Variants in CSNK2A2IP observed in about 807,000 individuals in gnomAD.
The protein encoded by CSNK2A2IP is casein kinase 2 subunit alpha' interacting protein.
the CSNK2A2IP span, among the ~76,000 whole-genome samples, chr3:88,370,999 A>G: frequency 5.9e-5 from 9 of 151,802 alleles, no homozygotes; most frequent in African/African-American, 4.8e-5. Context: ...ATACTGAATC[A>G]GCCAGCACCT....
chr3:88,381,422 C>A, the CSNK2A2IP span, among the ~76,000 whole-genome samples: 7 of 152,070 alleles, frequency 4.6e-5, no homozygotes, highest in Non-Finnish European at 8.8e-5. Flanking sequence ...CCTGTAGGAA[C>A]GGAATAGTAT....
At chr3:88,362,131 TG>T in the CSNK2A2IP span, among the ~76,000 whole-genome samples, 1 of 152,228 alleles carries the variant, frequency 6.6e-6, no homozygotes, top group East Asian at 1.9e-4. Context: ...GGAGAGGTCA[TG>T]TTTTTTCTGG....
chr3:88,422,896 C>A, the CSNK2A2IP span, among the ~76,000 whole-genome samples: 1 of 152,164 alleles, frequency 6.6e-6, no homozygotes, highest in Non-Finnish European at 1.5e-5. Context: ...TTTCACATTA[C>A]TGTGTACAGT....
the CSNK2A2IP span, among the ~76,000 whole-genome samples, chr3:88,378,908 A>C: frequency 6.6e-6 from 1 of 152,020 alleles, no homozygotes; most frequent in African/African-American, 2.4e-5. Context: ...GTGGTTTCAA[A>C]AGCTGCTCCA....
chr3:88,438,775 A>G, the CSNK2A2IP span, among the ~76,000 whole-genome samples: 1 of 152,162 alleles, frequency 6.6e-6, no homozygotes, highest in Non-Finnish European at 1.5e-5. Context: ...ATCCTGTGTC[A>G]CGTAAGACTC....
chr3:88,460,947 C>T, the CSNK2A2IP span, among the ~76,000 whole-genome samples: 2 of 151,888 alleles, frequency 1.3e-5, no homozygotes, highest in African/African-American at 2.4e-5. Flanking sequence ...ATTAGCTGGG[C>T]GTGGTGGTGC....
chr3:88,463,735 T>C, the CSNK2A2IP span, among the ~76,000 whole-genome samples: 3 of 152,182 alleles, frequency 2.0e-5, no homozygotes, highest in African/African-American at 7.2e-5. Context: ...ATTGTGGAAG[T>C]TGGCGTGGTG....
At chr3:88,397,531 A>C in the CSNK2A2IP span, among the ~76,000 whole-genome samples, 1 of 152,180 alleles carries the variant, frequency 6.6e-6, no homozygotes, top group African/African-American at 2.4e-5. Flanking sequence ...AGATTTATTG[A>C]ACAAGCATCT....
the CSNK2A2IP span, among the ~76,000 whole-genome samples, chr3:88,359,198 G>T: frequency 6.6e-6 from 1 of 151,338 alleles, no homozygotes; most frequent in Non-Finnish European, 1.5e-5. Flanking sequence ...AGTCTCTATT[G>T]CTCCTTTTAA....
chr3:88,394,497 C>T, the CSNK2A2IP span, among the ~76,000 whole-genome samples: 5 of 152,234 alleles, frequency 3.3e-5, no homozygotes, highest in East Asian at 3.9e-4. Context: ...CTCAGCCTCC[C>T]GAGTAGCTGG....
At chr3:88,440,970 T>A in the CSNK2A2IP span, among the ~76,000 whole-genome samples, 1 of 152,212 alleles carries the variant, frequency 6.6e-6, no homozygotes, top group Non-Finnish European at 1.5e-5. Flanking sequence ...AATTGTTATT[T>A]GCAGGTGCAA....
chr3:88,353,760 G>T, the CSNK2A2IP span, among the ~76,000 whole-genome samples: 1 of 152,178 alleles, frequency 6.6e-6, no homozygotes, highest in Admixed American at 6.6e-5. Flanking sequence ...ACTAAGGAAA[G>T]AATTTTGAGG....
the CSNK2A2IP span, among the ~76,000 whole-genome samples, chr3:88,342,650 C>T: frequency 6.7e-6 from 1 of 149,296 alleles, no homozygotes; most frequent in South Asian, 2.1e-4. Context: ...AAAAAGAAAG[C>T]AAGGGATTTG....
the CSNK2A2IP span, among the ~76,000 whole-genome samples, chr3:88,363,862 A>G: frequency 6.6e-6 from 1 of 152,170 alleles, no homozygotes; most frequent in Non-Finnish European, 1.5e-5. Context: ...GGCTGGTAGG[A>G]AAAGGCATGC....
chr3:88,446,245 C>G, the CSNK2A2IP span, among the ~76,000 whole-genome samples: 387 of 151,938 alleles, frequency 2.5e-3, 3 homozygotes, highest in African/African-American at 8.7e-3. Flanking sequence ...CATGCCACTA[C>G]GCCCAGCTAA....
the CSNK2A2IP span, among the ~76,000 whole-genome samples, chr3:88,405,958 C>T: frequency 2.0e-5 from 3 of 151,434 alleles, no homozygotes; most frequent in Non-Finnish European, 4.4e-5. Context: ...TCCTCAGAAC[C>T]TAAGTTTTTT....
At chr3:88,359,754 A>T in the CSNK2A2IP span, among the ~76,000 whole-genome samples, 1 of 152,068 alleles carries the variant, frequency 6.6e-6, no homozygotes, top group African/African-American at 2.4e-5. Context: ...AATTTTTATA[A>T]TTTTTTAAAG....
the CSNK2A2IP span, among the ~76,000 whole-genome samples, chr3:88,418,827 C>T: frequency 6.6e-6 from 1 of 152,030 alleles, no homozygotes. Context: ...GGTCTGTGGC[C>T]TGTTAGGAGC....
the CSNK2A2IP span, among the ~76,000 whole-genome samples, chr3:88,457,480 G>A: frequency 3.9e-5 from 6 of 152,044 alleles, no homozygotes; most frequent in Admixed American, 6.6e-5. Context: ...TGGATCACCT[G>A]AGGTCAGGCA....
Sources: allele counts gnomAD v4.1 joint callset (sites outside exome capture counted in the v4.1 genomes callset), GRCh38; gene constraint gnomAD v4.1.1; transcripts MANE v1.5; gene names NCBI Gene and HGNC (gene_info 2026-07-23, HGNC 2026-07-21).